ARHGAP32: variants seen among roughly 807,000 people sequenced by gnomAD.
The protein encoded by ARHGAP32 is Rho GTPase activating protein 32.
ARHGAP32 carries 51 observed loss-of-function variants against 186.5 expected under a neutral mutation model. That is an observed-to-expected ratio of 0.27 (90% CI 0.22 to 0.35). The LOEUF (loss-of-function observed/expected upper bound fraction) is 0.35, where lower values mean the gene tolerates loss of function less well. Ranked by LOEUF, ARHGAP32 falls within the 10% of genes least tolerant of loss-of-function variation. ARHGAP32 has a pLI of 1.00. For missense variants in ARHGAP32, 2,186 were observed against 2,623.5 expected (o/e 0.83, Z 3.64); for synonymous variants, 950 against 964.3 (o/e 0.99, Z 0.27).
rs1945298514 is a variant in ARHGAP32, at chr11:128,969,517, T to C, written c.5696A>G (p.His1899Arg). ...ATTCTTTGACTCACAGAACTGCCTA[T>C]GGCTTGCTTCTTGGTGTGCCCTGTG... Reference protein sequence around the residue: ...PEHRAHQEASHRQFCESKNGP... With the variant: ...PEHRAHQEASRRQFCESKNGP... The change falls in exon 23 of 23, where the codon CAT (histidine) becomes CGT (arginine). Residue 1899 changes from histidine (H) to arginine (R), a missense_variant. Transcript: ENST00000682385. The surrounding 1 kb of genome is among the most constrained non-coding windows in gnomAD (Gnocchi z 4.8). The C allele has an allele frequency of 1.2e-6, 2 of 1,614,164 alleles. No individual in the cohort carries two copies. The highest frequency in any genetic ancestry group is 1.7e-6 in the Non-Finnish European group (2 of 1,180,026).
At chr11:128,989,284 G>A (rs897561639) in intron 12 of ARHGAP32, among the ~76,000 whole-genome samples, 1 of 151,960 alleles carries the variant, frequency 6.6e-6, no homozygotes, top group East Asian at 1.9e-4. Context: ...GCAGCTGATA[G>A]TATTAAGTAC....
intron 1 of ARHGAP32, among the ~76,000 whole-genome samples, chr11:129,168,957 A>G (rs1209780789): frequency 6.6e-6 from 1 of 152,208 alleles, no homozygotes; most frequent in Non-Finnish European, 1.5e-5. Flanking sequence ...AAGTCTTTTT[A>G]TGTGAATGAT....
chr11:129,037,374 G>A (rs1939389973), intron 11 of ARHGAP32, among the ~76,000 whole-genome samples: 1 of 150,738 alleles, frequency 6.6e-6, no homozygotes, highest in African/African-American at 2.5e-5. Context: ...CATGCCTGTA[G>A]TACTAGCTAC....
At chr11:129,095,578 G>A (rs1428861139) in intron 5 of ARHGAP32, among the ~76,000 whole-genome samples, 2 of 152,202 alleles carry the variant, frequency 1.3e-5, no homozygotes, top group African/African-American at 4.8e-5. Flanking sequence ...CCTTGACTGG[G>A]AGCAGGGCAG....
At chr11:129,206,521 TTTC>T (rs1944515847) in intron 1 of ARHGAP32, among the ~76,000 whole-genome samples, 2 of 152,192 alleles carry the variant, frequency 1.3e-5, no homozygotes, top group Admixed American at 1.3e-4. Context: ...CCATTGATTT[TTTC>T]TTTTTTTAAA....
chr11:129,273,298 T>C (rs1269556872), intron 1 of ARHGAP32, among the ~76,000 whole-genome samples: 1 of 152,210 alleles, frequency 6.6e-6, no homozygotes, highest in Non-Finnish European at 1.5e-5. Flanking sequence ...ATGTACTCAG[T>C]GGATACTTGT....
At chr11:129,232,422 A>G (rs1944871334) in intron 1 of ARHGAP32, among the ~76,000 whole-genome samples, 1 of 152,186 alleles carries the variant, frequency 6.6e-6, no homozygotes. Context: ...TACTCAAATG[A>G]TGATATTTCC....
At chr11:129,180,091 T>C (rs1944020544) in intron 1 of ARHGAP32, among the ~76,000 whole-genome samples, 1 of 152,124 alleles carries the variant, frequency 6.6e-6, no homozygotes, top group South Asian at 2.1e-4. Flanking sequence ...AAAAAAATCG[T>C]GTATTTACAT....
At chr11:129,130,418 CA>C (rs1009161065) in intron 2 of ARHGAP32, among the ~76,000 whole-genome samples, 3 of 149,812 alleles carry the variant, frequency 2.0e-5, no homozygotes, top group African/African-American at 7.3e-5. Context: ...TAGCAAGAAG[CA>C]AAAAAAACTC....
chr11:129,068,162 C>T (rs532100381), intron 6 of ARHGAP32, among the ~76,000 whole-genome samples: 1 of 152,114 alleles, frequency 6.6e-6, no homozygotes, highest in South Asian at 2.1e-4. Context: ...AGGATTAAAC[C>T]CAAACTATCC....
chr11:129,005,057 G>A (rs1000698724), intron 11 of ARHGAP32, among the ~76,000 whole-genome samples: 1 of 151,936 alleles, frequency 6.6e-6, no homozygotes, highest in Non-Finnish European at 1.5e-5. Context: ...TTGGATTTGA[G>A]TTTATCATGA....
chr11:129,165,912 G>A (rs1036786235), intron 1 of ARHGAP32, among the ~76,000 whole-genome samples: 1 of 151,840 alleles, frequency 6.6e-6, no homozygotes, highest in Admixed American at 6.6e-5. Flanking sequence ...ACACAGTATG[G>A]GGAGAAGAGG....
chr11:129,208,836 A>C (rs1351197608), intron 1 of ARHGAP32, among the ~76,000 whole-genome samples: 2 of 152,140 alleles, frequency 1.3e-5, no homozygotes, highest in Non-Finnish European at 2.9e-5. Context: ...CAAGTGACAA[A>C]AAAGAGTGGA....
chr11:129,090,736 C>T (rs966092855), intron 6 of ARHGAP32, among the ~76,000 whole-genome samples: 2 of 152,070 alleles, frequency 1.3e-5, no homozygotes, highest in East Asian at 1.9e-4. Context: ...CACTAAAAGA[C>T]AGAATACTTT....
Position 129,058,184 on chromosome 11 carries a change from A to AAT in ARHGAP32, c.963+4094_963+4095dup, listed in dbSNP as rs1307854085. Among the ~76,000 whole-genome samples the AAT allele has an allele frequency of 7.6e-3, 655 of 85,688 alleles. 3 individuals carry two copies. The highest frequency in any genetic ancestry group is 0.016 in the Admixed American group (129 of 8,238). 56.2% of individuals were successfully genotyped at this position (85,688 alleles called of 152,430 possible). ...TGTTATGCCCAATAACAGAAAAAAA[A>AAT]ATATACACACACACACACACACACA... On this transcript the variant is annotated intron_variant, in intron 10 of 22. Coordinates refer to ENST00000682385, the MANE Select transcript of ARHGAP32 (RefSeq NM_001378024.1).
chr11:128,971,574 T>C (rs1945375334), intron 22 of ARHGAP32: 1 of 164,578 alleles, frequency 6.1e-6, no homozygotes, highest in East Asian at 1.7e-4. Context: ...TGGGGAGACT[T>C]TTGAAATTCA....
intron 1 of ARHGAP32, among the ~76,000 whole-genome samples, chr11:129,190,609 G>A (rs1440589212): frequency 6.6e-6 from 1 of 152,120 alleles, no homozygotes; most frequent in Non-Finnish European, 1.5e-5. Context: ...CCAGAGAGAC[G>A]CCCACTGCCT....
chr11:128,974,038 A>C (rs939534845), intron 21 of ARHGAP32, 86 bp downstream of exon 21: 31 of 1,489,118 alleles, frequency 2.1e-5, no homozygotes, highest in Non-Finnish European at 2.6e-5. Flanking sequence ...GCTGTGGACA[A>C]ATTTCTCTCT....
chr11:129,163,186 CTGAG>C (rs1173428395), intron 2 of ARHGAP32, among the ~76,000 whole-genome samples: 2 of 152,068 alleles, frequency 1.3e-5, no homozygotes, highest in Non-Finnish European at 2.9e-5. Context: ...TTTGCTGTGC[CTGAG>C]TGAAAGACAT....
Sources: allele counts gnomAD v4.1 joint callset (sites outside exome capture counted in the v4.1 genomes callset), GRCh38; gene constraint gnomAD v4.1.1; non-coding constraint Gnocchi (gnomAD v3.1); transcripts MANE v1.5; gene names NCBI Gene and HGNC (gene_info 2026-07-23, HGNC 2026-07-21).